Variants in TASP1 observed in about 807,000 individuals in gnomAD.
TASP1 encodes the protein threonine aspartase 1.
A neutral mutation model predicts 56.6 loss-of-function variants in TASP1; 16 were observed. The observed-to-expected ratio is 0.28, with a 90% confidence interval of 0.19 to 0.43. The LOEUF is 0.43. Ranked by LOEUF, TASP1 falls within the 20% of genes least tolerant of loss-of-function variation. The pLI is 1.00. For missense variants in TASP1, 393 were observed against 511.6 expected, an observed-to-expected ratio of 0.77 and a Z score of 2.24; for synonymous variants, 179 against 184.2, an observed-to-expected ratio of 0.97 and a Z score of 0.23.
the TASP1 span, among the ~76,000 whole-genome samples, chr20:13,131,241 C>T: frequency 6.6e-6 from 1 of 152,196 alleles, no homozygotes. Flanking sequence ...TCTTACCTTA[C>T]TACACCTTCT....
chr20:13,110,690 T>A, the TASP1 span, among the ~76,000 whole-genome samples: 1 of 152,052 alleles, frequency 6.6e-6, no homozygotes, highest in Admixed American at 6.6e-5. Flanking sequence ...GATCTGCCTG[T>A]TTTCCCCAAG....
the TASP1 span, among the ~76,000 whole-genome samples, chr20:13,213,641 C>T: frequency 6.6e-6 from 1 of 152,140 alleles, no homozygotes; most frequent in Non-Finnish European, 1.5e-5. Context: ...TTTCTCCACA[C>T]ATAAGAAAAA....
chr20:13,350,966 G>GAAAAAA, the TASP1 span, among the ~76,000 whole-genome samples: 41 of 122,842 alleles, frequency 3.3e-4, no homozygotes, highest in African/African-American at 1.1e-3. Context: ...TTCCAAAAGT[G>GAAAAAA]AAAAAAAAAA....
At chr20:13,628,141 A>T (rs905272599) in intron 2 of TASP1, among the ~76,000 whole-genome samples, 1 of 152,222 alleles carries the variant, frequency 6.6e-6, no homozygotes, top group Non-Finnish European at 1.5e-5. Flanking sequence ...CTCTACCTTT[A>T]ATCATAGCTT....
At chr20:13,376,592 G>T in the TASP1 span, among the ~76,000 whole-genome samples, 95,723 of 151,892 alleles carry the variant, frequency 0.63, 30,430 homozygotes, top group Non-Finnish European at 0.67. Context: ...ATTTAAAATA[G>T]TTTTTTTTCT....
At chr20:13,204,317 T>C in the TASP1 span, among the ~76,000 whole-genome samples, 2 of 152,126 alleles carry the variant, frequency 1.3e-5, no homozygotes, top group Non-Finnish European at 2.9e-5. Flanking sequence ...TATTCAATTA[T>C]TTTACATCTA....
the TASP1 span, among the ~76,000 whole-genome samples, chr20:13,315,014 T>TA: frequency 5.9e-5 from 9 of 151,544 alleles, no homozygotes; most frequent in East Asian, 1.7e-3. Context: ...GAGCAACTGC[T>TA]AAAAAAAAGT....
At chr20:13,259,344 C>G in the TASP1 span, among the ~76,000 whole-genome samples, 1 of 151,816 alleles carries the variant, frequency 6.6e-6, no homozygotes, top group Non-Finnish European at 1.5e-5. Context: ...TGAAAACTTC[C>G]ACTCCTTCAG....
the TASP1 span, among the ~76,000 whole-genome samples, chr20:13,225,590 G>A: frequency 2.0e-5 from 3 of 152,104 alleles, no homozygotes; most frequent in African/African-American, 4.8e-5. Flanking sequence ...TAATAGGTAC[G>A]ATGTTACAAG....
chr20:13,487,290 G>C lies in TASP1; in HGVS notation c.875-3953C>G, dbSNP rs146804559. Among the ~76,000 whole-genome samples the C allele has an allele frequency of 8.3e-4, 127 of 152,254 alleles. 1 individual carries two copies. Among genetic ancestry groups the C allele is most frequent in the African/African-American group, 2.8e-3 (117 of 41,544 alleles). On this transcript the variant is annotated intron_variant, in intron 10 of 13. Transcript: ENST00000337743. The stretch of plus-strand genomic sequence containing the variant: ...GTAGGCCCAGCGTACACAGCAGTTG[G>C]CAGGGGTGCTACTACATATTGTCAG...
At chr20:13,382,031 C>T in the TASP1 span, among the ~76,000 whole-genome samples, 23 of 152,088 alleles carry the variant, frequency 1.5e-4, no homozygotes, top group African/African-American at 5.6e-4. Flanking sequence ...ATGAGAAATG[C>T]CGGCAGCCTG....
chr20:13,439,964 A>T (rs1169164522), intron 11 of TASP1, among the ~76,000 whole-genome samples: 1 of 152,114 alleles, frequency 6.6e-6, no homozygotes, highest in African/African-American at 2.4e-5. Context: ...CTCATGAAAA[A>T]GGGGCCCCAC....
At chr20:13,395,197 C>T (rs1239699149) in intron 13 of TASP1, among the ~76,000 whole-genome samples, 1 of 152,154 alleles carries the variant, frequency 6.6e-6, no homozygotes, top group Non-Finnish European at 1.5e-5. Flanking sequence ...GAGTCTTGTC[C>T]ATTTGTTGTA....
At chr20:13,287,261 A>C in the TASP1 span, among the ~76,000 whole-genome samples, 1 of 152,186 alleles carries the variant, frequency 6.6e-6, no homozygotes, top group Non-Finnish European at 1.5e-5. Context: ...GAGCAAAGGG[A>C]CATCTTACAT....
chr20:13,255,056 A>G, the TASP1 span, among the ~76,000 whole-genome samples: 1 of 152,236 alleles, frequency 6.6e-6, no homozygotes, highest in Non-Finnish European at 1.5e-5. Flanking sequence ...ACACAGAAGA[A>G]AGCCCATAAA....
chr20:13,411,910 A>G (rs1360968062), intron 13 of TASP1, among the ~76,000 whole-genome samples: 1 of 152,192 alleles, frequency 6.6e-6, no homozygotes, highest in African/African-American at 2.4e-5. Flanking sequence ...GGCCCTGTAC[A>G]TGTTGGGAGC....
At chr20:13,597,711 G>A (rs1244784734) in intron 4 of TASP1, among the ~76,000 whole-genome samples, 2 of 152,208 alleles carry the variant, frequency 1.3e-5, no homozygotes, top group Admixed American at 6.5e-5. Flanking sequence ...GAAATAAAGG[G>A]TATTCAATTA....
the TASP1 span, among the ~76,000 whole-genome samples, chr20:13,206,786 G>A: frequency 1.3e-5 from 2 of 152,218 alleles, no homozygotes; most frequent in Non-Finnish European, 2.9e-5. Context: ...TTCTCGGCCA[G>A]AATTCGGCCA....
chr20:13,288,708 C>G, the TASP1 span: 1 of 1,595,302 alleles, frequency 6.3e-7, no homozygotes. Context: ...GTGTGTAGCT[C>G]CAAGTTCAAG....
Sources: gnomAD v4.1 joint callset for allele counts (sites outside exome capture counted in the v4.1 genomes callset) on GRCh38, gnomAD v4.1.1 for gene constraint, MANE v1.5 for transcripts, NCBI Gene and HGNC (gene_info 2026-07-23, HGNC 2026-07-21) for gene names.